The following FANCF variants were observed in gnomAD, a reference collection of about 807,000 sequenced individuals.
FANCF encodes FA complementation group F.
For synonymous variants in FANCF, 257 were observed against 205.9 expected (o/e 1.25, Z -2.13); for missense variants, 552 against 481.8 (o/e 1.15, Z -1.36).
rs766067137 is a variant in FANCF, at chr11:22,624,816, C to G, written c.995G>C (p.Cys332Ser). The G allele has an allele frequency of 1.9e-6, 3 of 1,614,064 alleles. No homozygotes were observed. In the African/African-American group the frequency reaches 4.0e-5, roughly 22 times the overall value. ...TTCAAAATCTCCATCCTGCGCTTTA[C>G]AGGTCTCCAGGGCAGTTAGAACTTT... ...KDKVLTALETCKAQDGDFEVP... is the reference protein window; with the variant it reads ...KDKVLTALETSKAQDGDFEVP... The change falls in exon 1 of 1, where the codon TGT (cysteine) becomes TCT (serine). Residue 332 changes from cysteine to serine, a missense_variant. Physicochemically the swap from Cys to Ser is moderately radical, Grantham distance 112 (BLOSUM62 -1). Transcript: ENST00000327470.
In FANCF at chr11:22,625,429, T is replaced by C. The variant is rs1858629802; in HGVS notation, c.382A>G (p.Thr128Ala). ...AGGCGGGCCAGGCTCTCTTGGAGTGTCTCCTCATCGGCGTCCCGGACGCCC... is the reference window on the plus strand; with the variant it reads ...AGGCGGGCCAGGCTCTCTTGGAGTGCCTCCTCATCGGCGTCCCGGACGCCC... ...GPGVRDADEE[T>A]LQESLARLAR... is the part of the protein sequence containing the mutation. Residue 128 changes from threonine (T) to alanine (A), a missense_variant, in exon 1 of 1, where the codon ACA (threonine) becomes GCA (alanine). Physicochemically the swap from Thr to Ala is moderately conservative, Grantham distance 58. Coordinates refer to ENST00000327470, the MANE Select transcript of FANCF (RefSeq NM_022725.4). The C allele has an allele frequency of 6.2e-7, 1 of 1,613,964 alleles. No homozygotes were observed. Among genetic ancestry groups the C allele is most frequent in the Admixed American group, 1.7e-5 (1 of 60,012 alleles).
rs1480001146 is a variant in FANCF at position 22,625,051 on chromosome 11, C to T, written c.760G>A (p.Ala254Thr). The T allele has an allele frequency of 2.5e-6, 4 of 1,614,102 alleles. No individual in the cohort carries two copies. Among genetic ancestry groups the T allele is most frequent in the Non-Finnish European group, 2.5e-6 (3 of 1,179,972 alleles). Reference protein sequence around the residue: ...NSEVFAAFCRALPAGLLTLVT... With the variant: ...NSEVFAAFCRTLPAGLLTLVT... ...AAAGTCAAAAGCCCGGCTGGGAGGG[C>T]GCGACAAAAGGCAGCAAAGACTTCC... The change falls in exon 1 of 1, where the codon GCC becomes ACC. Residue 254 changes from alanine to threonine, a missense_variant. Coordinates refer to ENST00000327470, the MANE Select transcript of FANCF (RefSeq NM_022725.4).
rs1029853294 is a variant in FANCF at position 22,624,950 on chromosome 11, A to G, written c.861T>C (p.Tyr287=). 6.2e-7 allele frequency: 1 copy of G among 1,614,226 alleles called. No homozygotes were observed. Among genetic ancestry groups the G allele is most frequent in the Admixed American group, 1.7e-5 (1 of 60,020 alleles). Residue 287 remains tyrosine (Y), a synonymous_variant, in exon 1 of 1, where the codon TAT becomes TAC. Transcript: ENST00000327470. The part of the protein sequence containing the change: ...LLTDWGQRLH[Y]DLQKGIWVGT... ...CAACCCAAATGCCTTTCTGAAGGTC[A>G]TAGTGCAAACGTTGACCCCAGTCTG...
chr11:22,624,490 C>T lies in FANCF; in HGVS notation c.*196G>A. 1.6e-6 allele frequency: 1 copy of T among 611,402 alleles called. No homozygotes were observed. Among genetic ancestry groups the T allele is most frequent in the Admixed American group, 2.9e-5 (1 of 34,986 alleles). 37.9% of individuals were successfully genotyped at this position (611,402 alleles called of 1,614,324 possible). On this transcript the variant is annotated 3_prime_UTR_variant, in exon 1 of 1. Transcript: ENST00000327470. ...TGGCTTTAAGTGGAGTACTTCCAAT[C>T]ACTTCCTCTATCCAGAAAATCCGTG...
Position 22,624,836 on chromosome 11 carries a change from A to C in FANCF, c.975T>G (p.Val325=), listed in dbSNP as rs1858616467. 6 of 1,614,028 alleles carry C rather than the reference A, an allele frequency of 3.7e-6. No individual in the cohort carries two copies. In the African/African-American group the frequency reaches 8.0e-5, roughly 22 times the overall value. ...CTTTACAGGTCTCCAGGGCAGTTAG[A>C]ACTTTATCTTTCAGAGGTGGAGGGG... is the stretch of plus-strand genomic sequence containing the variant. ...CQAPPPLKDK[V]LTALETCKAQ... is the part of the protein sequence containing the mutation. Residue 325 remains valine (V), a synonymous_variant, in exon 1 of 1, where the codon GTT becomes GTG. Transcript: ENST00000327470.
In FANCF at chr11:22,625,788, A is replaced by G. The variant is rs777808759; in HGVS notation, c.23T>C (p.Leu8Pro). ...CGCCAGAAGCTCGGAAAAGCGATCC[A>G]GGTGCTGCAGAAGGGATTCCATGAG... The part of the protein sequence containing the change: MESLLQH[L>P]DRFSELLAVS... The change falls in exon 1 of 1, where the codon CTG becomes CCG. Residue 8 changes from leucine (L) to proline (P), a missense_variant. By Grantham distance (98) the Leu-to-Pro change is moderately conservative. Coordinates refer to ENST00000327470, the MANE Select transcript of FANCF (RefSeq NM_022725.4). The G allele has an allele frequency of 6.2e-7, 1 of 1,614,130 alleles. No individual in the cohort carries two copies. The highest frequency in any genetic ancestry group is 1.7e-5 in the Admixed American group (1 of 60,028).
rs139724351 is a variant in FANCF at position 22,625,565 on chromosome 11, G to A, written c.246C>T (p.Asn82=). 3.3e-4 allele frequency: 530 copies of A among 1,614,068 alleles called. 1 individual carries two copies. The African/African-American group carries it at 6.6e-3, about 20-fold the overall frequency. ...FGRGPVPGLA[N]FQALGHCDVL... ...CGTCACAGTGACCGAGGGCCTGGAA[G>A]TTCGCTAATCCCGGAACTGGACCCC... Residue 82 remains asparagine, a synonymous_variant, in exon 1 of 1, where the codon AAC becomes AAT. Transcript: ENST00000327470.
Position 22,625,578 on chromosome 11 carries a change from G to A in FANCF, c.233C>T (p.Pro78Leu), listed in dbSNP as rs928361745. Residue 78 changes from proline (P) to leucine (L), a missense_variant, in exon 1 of 1, where the codon CCG (proline) becomes CTG (leucine). Physicochemically the swap from Pro to Leu is moderately conservative, Grantham distance 98 (BLOSUM62 -3). Coordinates refer to ENST00000327470, the MANE Select transcript of FANCF (RefSeq NM_022725.4). Reference sequence around the variant, plus strand: ...GAGGGCCTGGAAGTTCGCTAATCCCGGAACTGGACCCCGCCCAAAGCCGCC... The same window carrying A: ...GAGGGCCTGGAAGTTCGCTAATCCCAGAACTGGACCCCGCCCAAAGCCGCC... ...QEGGFGRGPV[P>L]GLANFQALGH... The A allele has an allele frequency of 1.9e-6, 3 of 1,613,802 alleles. No homozygotes were observed. Among genetic ancestry groups the A allele is most frequent in the Admixed American group, 1.7e-5 (1 of 60,010 alleles).
chr11:22,623,061 C>A lies in FANCF; in HGVS notation c.*1625G>T. 1 of 207,196 alleles carries A rather than the reference C, an allele frequency of 4.8e-6. No homozygotes were observed. Among genetic ancestry groups the A allele is most frequent in the Non-Finnish European group, 9.9e-6 (1 of 101,368 alleles). 12.8% of individuals were successfully genotyped at this position (207,196 alleles called of 1,614,324 possible). ...TGTTTCTTAAAAAAAATTCACGCAACTGACAGGAGGAATTGTCTTTATTCT... is the reference window on the plus strand; with the variant it reads ...TGTTTCTTAAAAAAAATTCACGCAAATGACAGGAGGAATTGTCTTTATTCT... On this transcript the variant is annotated 3_prime_UTR_variant, in exon 1 of 1. Transcript: ENST00000327470.
Position 22,624,346 on chromosome 11 carries a change from A to T in FANCF, c.*340T>A, listed in dbSNP as rs1350032625. On this transcript the variant is annotated 3_prime_UTR_variant, in exon 1 of 1. Coordinates refer to ENST00000327470, the MANE Select transcript of FANCF (RefSeq NM_022725.4). ...AAAACCTAGAAAAATAAACCATACT[A>T]AAAGAAAAAGGGTATTTTGTTTGTC... The T allele has an allele frequency of 2.9e-6, 1 of 349,256 alleles. No individual in the cohort carries two copies. 21.6% of individuals were successfully genotyped at this position (349,256 alleles called of 1,614,324 possible). A position where few individuals can be genotyped will look rare whatever the true frequency, so the allele number is the denominator to read the frequency against.
rs1348209998 is a variant in FANCF, at chr11:22,623,409, T to G, written c.*1277A>C. The G allele has an allele frequency of 4.9e-6, 1 of 202,024 alleles. No individual in the cohort carries two copies. Among genetic ancestry groups the G allele is most frequent in the Non-Finnish European group, 1.0e-5 (1 of 98,332 alleles). 12.5% of individuals were successfully genotyped at this position (202,024 alleles called of 1,614,324 possible). On this transcript the variant is annotated 3_prime_UTR_variant, in exon 1 of 1. Transcript: ENST00000327470. Reference sequence around the variant, plus strand: ...TGGATATGGACAAAAATATCTTGATTGCTGTAAAGGTCTATCTCCCTAGTA... The same window carrying G: ...TGGATATGGACAAAAATATCTTGATGGCTGTAAAGGTCTATCTCCCTAGTA...
rs3740615 is a variant in FANCF at position 22,625,820 on chromosome 11, G to T, written c.-10C>A. On this transcript the variant is annotated 5_prime_UTR_variant, in exon 1 of 1. Coordinates refer to ENST00000327470, the MANE Select transcript of FANCF (RefSeq NM_022725.4). The stretch of plus-strand genomic sequence containing the variant: ...GCAGAAGGGATTCCATGAGGTGCGC[G>T]AAGGCCCTACTTCCGCTTTCACCTT... The T allele has an allele frequency of 8.1e-6, 13 of 1,613,554 alleles. No homozygotes were observed. Among genetic ancestry groups the T allele is most frequent in the South Asian group, 1.1e-5 (1 of 91,062 alleles).
chr11:22,624,063 T>G lies in FANCF; in HGVS notation c.*623A>C, dbSNP rs1858601108. On this transcript the variant is annotated 3_prime_UTR_variant, in exon 1 of 1. Coordinates refer to ENST00000327470, the MANE Select transcript of FANCF (RefSeq NM_022725.4). ...TCCAAAGGCATATATTCGTATTTAC[T>G]GTGCTTTAAACATTTGTCTGTGCGT... 4 of 232,954 alleles carry G rather than the reference T, an allele frequency of 1.7e-5. No individual in the cohort carries two copies. The highest frequency in any genetic ancestry group is 3.4e-5 in the Non-Finnish European group (4 of 117,968). 14.4% of individuals were successfully genotyped at this position (232,954 alleles called of 1,614,324 possible). A position where few individuals can be genotyped will look rare whatever the true frequency, so the allele number is the denominator to read the frequency against.
rs1483694637 is a variant in FANCF at position 22,623,470 on chromosome 11, A to C, written c.*1216T>G. The stretch of plus-strand genomic sequence containing the variant: ...AATTGCCCTTGAATTTATTCAAGGC[A>C]ATCACTATCAGCTGTGGAACACCCA... On this transcript the variant is annotated 3_prime_UTR_variant, in exon 1 of 1. Transcript: ENST00000327470. 1 of 201,802 alleles carries C rather than the reference A, an allele frequency of 5.0e-6. No homozygotes were observed. The highest frequency in any genetic ancestry group is 7.6e-5 in the East Asian group (1 of 13,158). The allele number at this position is 201,802 out of a possible 1,614,324, so 12.5% of individuals were successfully genotyped here. A position where few individuals can be genotyped will look rare whatever the true frequency, so the allele number is the denominator to read the frequency against.
In FANCF at chr11:22,624,655, A is replaced by T. The variant is rs770063791; in HGVS notation, c.*31T>A. 6.9e-6 allele frequency: 11 copies of T among 1,593,148 alleles called. No homozygotes were observed. Among genetic ancestry groups the T allele is most frequent in the Non-Finnish European group, 6.9e-6 (8 of 1,161,008 alleles). On this transcript the variant is annotated 3_prime_UTR_variant, in exon 1 of 1. Transcript: ENST00000327470. ...GTAATTTTCATTTTGTAAACTATAT[A>T]TTCTATATTCAAGTAATAACACAGC...
In FANCF at chr11:22,624,071, A is replaced by G. The variant is rs529285479; in HGVS notation, c.*615T>C. On this transcript the variant is annotated 3_prime_UTR_variant, in exon 1 of 1. Coordinates refer to ENST00000327470, the MANE Select transcript of FANCF (RefSeq NM_022725.4). ...CATATATTCGTATTTACTGTGCTTT[A>G]AACATTTGTCTGTGCGTCAATGCTT... The G allele has an allele frequency of 8.6e-6, 2 of 233,650 alleles. No individual in the cohort carries two copies. The highest frequency in any genetic ancestry group is 1.2e-4 in the East Asian group (2 of 16,298). 14.5% of individuals were successfully genotyped at this position (233,650 alleles called of 1,614,324 possible).
In FANCF at chr11:22,624,336, A is replaced by G. The variant is rs868464114; in HGVS notation, c.*350T>C. The G allele has an allele frequency of 4.1e-5, 14 of 344,414 alleles. No homozygotes were observed. The highest frequency in any genetic ancestry group is 6.5e-5 in the Non-Finnish European group (12 of 184,150). The allele number at this position is 344,414 out of a possible 1,614,324, so 21.3% of individuals were successfully genotyped here. A position where few individuals can be genotyped will look rare whatever the true frequency, so the allele number is the denominator to read the frequency against. On this transcript the variant is annotated 3_prime_UTR_variant, in exon 1 of 1. Transcript: ENST00000327470. The stretch of plus-strand genomic sequence containing the variant: ...GGAGGGACAGAAAACCTAGAAAAAT[A>G]AACCATACTAAAAGAAAAAGGGTAT...
rs1000985563 is a variant in FANCF at position 22,625,217 on chromosome 11, C to G, written c.594G>C (p.Gln198His). ...CCGCTATCACCTTCAGGAAGTTGTT[C>G]TGAGGCAAGCGCTCCCACAGGCTGC... ...FLSSLWERLP[Q>H]NNFLKVIAVA... The change falls in exon 1 of 1, where the codon CAG becomes CAC. Residue 198 changes from glutamine to histidine, a missense_variant. Physicochemically the swap from Gln to His is conservative, Grantham distance 24. Transcript: ENST00000327470. 1.2e-6 allele frequency: 2 copies of G among 1,614,016 alleles called. No individual in the cohort carries two copies. Among genetic ancestry groups the G allele is most frequent in the African/African-American group, 2.7e-5 (2 of 75,052 alleles).
rs888718700 is a variant in FANCF at position 22,623,422 on chromosome 11, T to C, written c.*1264A>G. On this transcript the variant is annotated 3_prime_UTR_variant, in exon 1 of 1. Transcript: ENST00000327470. ...AAATATCTTGATTGCTGTAAAGGTC[T>C]ATCTCCCTAGTAAAAATGAATAAAT... 1 of 202,056 alleles carries C rather than the reference T, an allele frequency of 4.9e-6. No individual in the cohort carries two copies. Among genetic ancestry groups the C allele is most frequent in the African/African-American group, 2.3e-5 (1 of 43,554 alleles). The allele number at this position is 202,056 out of a possible 1,614,324, so 12.5% of individuals were successfully genotyped here. A position where few individuals can be genotyped will look rare whatever the true frequency, so the allele number is the denominator to read the frequency against.
Sources: allele counts gnomAD v4.1 joint callset, GRCh38; gene constraint gnomAD v4.1.1; transcripts MANE v1.5; gene names NCBI Gene and HGNC (gene_info 2026-07-23, HGNC 2026-07-21).